The following BTBD8 variants were observed in gnomAD, a reference collection of about 807,000 sequenced individuals.
BTBD8 encodes BTB domain containing 8, also known as BTB/POZ domain-containing protein 8.
Under a neutral mutation model 162.9 loss-of-function variants are expected in BTBD8, and 110 were observed. That is an observed-to-expected ratio of 0.68 (90% CI 0.58 to 0.79). BTBD8 has a LOEUF of 0.79. BTBD8 is among the 30% of genes least tolerant of loss of function. The probability of loss-of-function intolerance (pLI) is 0.00; values close to 1 mark genes in which losing one functional copy is unlikely to be tolerated. For synonymous variants in BTBD8, 667 were observed against 716.1 expected, an observed-to-expected ratio of 0.93 and a Z score of 1.10; for missense variants, 1,905 against 2,085.4, an observed-to-expected ratio of 0.91 and a Z score of 1.68.
At chr1:92,126,510 TCA>T in intron 4 of BTBD8, 1 of 307,150 alleles carries the variant, frequency 3.3e-6, no homozygotes, top group Non-Finnish European at 6.0e-6. Flanking sequence ...TCAATCCTCT[TCA>T]CTCATGCAGA....
intron 16 of BTBD8, among the ~76,000 whole-genome samples, chr1:92,179,411 A>G (rs1032242631): frequency 9.2e-5 from 14 of 152,226 alleles, no homozygotes; most frequent in African/African-American, 3.4e-4. Flanking sequence ...TAAAATAATA[A>G]CCAATTTTCA....
In BTBD8 at chr1:92,177,945, A is replaced by G. The variant is rs1375226699; in HGVS notation, c.2441+47A>G. On this transcript the variant is annotated intron_variant, in intron 15 of 17. Transcript: ENST00000636805. ...TAACCTATCTGTTAGCTTTCTCTCA[A>G]AGTTAATTATATACTAACTGCTAGC... 4 of 926,752 alleles carry G rather than the reference A, an allele frequency of 4.3e-6. No individual in the cohort carries two copies. In the Admixed American group the frequency reaches 1.1e-4, roughly 25 times the overall value. The allele number at this position is 926,752 out of a possible 1,614,324, so 57.4% of individuals were successfully genotyped here.
chr1:92,117,786 C>T (rs763621585), intron 4 of BTBD8, among the ~76,000 whole-genome samples: 1 of 152,012 alleles, frequency 6.6e-6, no homozygotes, highest in Non-Finnish European at 1.5e-5. Flanking sequence ...GCTCGTTTGT[C>T]CTTCCTGTGC....
At chr1:92,170,688 C>A (rs1407391486) in intron 12 of BTBD8, among the ~76,000 whole-genome samples, 1 of 151,970 alleles carries the variant, frequency 6.6e-6, no homozygotes, top group Non-Finnish European at 1.5e-5. Context: ...TCCCAGTAAC[C>A]TTCAAAAGAA....
intron 7 of BTBD8, among the ~76,000 whole-genome samples, chr1:92,146,014 TAATTA>T (rs1405859421): frequency 6.6e-6 from 1 of 152,112 alleles, no homozygotes; most frequent in African/African-American, 2.4e-5. Flanking sequence ...AATTATGATC[TAATTA>T]AATTCTTCTT....
chr1:92,155,371 T>G (rs571270387), intron 9 of BTBD8, among the ~76,000 whole-genome samples: 30 of 152,302 alleles, frequency 2.0e-4, no homozygotes, highest in African/African-American at 6.5e-4. Flanking sequence ...CAACATTAAG[T>G]CTTCCAATCC....
chr1:92,153,213 T>C (rs1407971829), intron 9 of BTBD8, among the ~76,000 whole-genome samples: 2 of 152,210 alleles, frequency 1.3e-5, no homozygotes, highest in Non-Finnish European at 2.9e-5. Flanking sequence ...AAAAATTTCT[T>C]GTGTGTTTGC....
chr1:92,182,740 TAA>T, intron 17 of BTBD8, 145 bp downstream of exon 17: 1 of 499,878 alleles, frequency 2.0e-6, no homozygotes, highest in East Asian at 3.4e-5. Flanking sequence ...AAAAATGTCT[TAA>T]TATGAAAATT....
intron 2 of BTBD8, among the ~76,000 whole-genome samples, chr1:92,094,630 A>G (rs1648399832): frequency 2.0e-5 from 3 of 152,208 alleles, no homozygotes; most frequent in East Asian, 1.9e-4. Flanking sequence ...GTTGTTTTAT[A>G]TGCAGTGACT....
At chr1:92,177,739 A>G in intron 14 of BTBD8, 72 bp from the exon 15 acceptor site, 1 of 967,490 alleles carries the variant, frequency 1.0e-6, no homozygotes, top group African/African-American at 1.6e-5. Context: ...ATAGTGTCTA[A>G]CCAGTAAACT....
At chr1:92,138,228 G>T (rs1649678689) in intron 5 of BTBD8, among the ~76,000 whole-genome samples, 1 of 152,134 alleles carries the variant, frequency 6.6e-6, no homozygotes, top group Non-Finnish European at 1.5e-5. Context: ...TGATTTAGTT[G>T]GGTATGAAAA....
At chr1:92,117,197 T>C (rs2101915887) in intron 4 of BTBD8, among the ~76,000 whole-genome samples, 1 of 152,012 alleles carries the variant, frequency 6.6e-6, no homozygotes, top group African/African-American at 2.4e-5. Flanking sequence ...CATTTCTGGG[T>C]CTGATAATAT....
intron 4 of BTBD8, among the ~76,000 whole-genome samples, chr1:92,117,696 T>G (rs1214359233): frequency 1.3e-5 from 2 of 152,048 alleles, no homozygotes; most frequent in East Asian, 3.8e-4. Context: ...TCTATATTAC[T>G]GCACCTCACA....
At chr1:92,113,072 C>A (rs1309261599) in intron 4 of BTBD8, among the ~76,000 whole-genome samples, 1 of 152,160 alleles carries the variant, frequency 6.6e-6, no homozygotes, top group Non-Finnish European at 1.5e-5. Flanking sequence ...CCAGAAGCAG[C>A]ATTAACAGTT....
chr1:92,129,646 T>C (rs368289360), intron 4 of BTBD8, 41 bp from the exon 5 acceptor site: 102 of 1,407,704 alleles, frequency 7.2e-5, no homozygotes, highest in Middle Eastern at 1.8e-4. Flanking sequence ...TTGAATAATA[T>C]GTAAATGTTT....
intron 9 of BTBD8, among the ~76,000 whole-genome samples, chr1:92,157,119 A>G (rs1220466494): frequency 1.3e-5 from 2 of 151,380 alleles, no homozygotes; most frequent in African/African-American, 2.4e-5. Context: ...GGTATATTGT[A>G]TTGTTGTTTT....
At chr1:92,086,740 T>C (rs1648172136) in intron 1 of BTBD8, among the ~76,000 whole-genome samples, 1 of 152,166 alleles carries the variant, frequency 6.6e-6, no homozygotes, top group Non-Finnish European at 1.5e-5. Context: ...GTGGTAGTGT[T>C]ATAAAAGGAT....
chr1:92,112,391 A>T (rs564987456), intron 4 of BTBD8, among the ~76,000 whole-genome samples: 1 of 152,314 alleles, frequency 6.6e-6, no homozygotes, highest in South Asian at 2.1e-4. Flanking sequence ...GAACAGAACA[A>T]GACCCTGTCT....
rs1346628569 is a variant in BTBD8, at chr1:92,147,697, C to T, written c.1033C>T (p.His345Tyr). The T allele has an allele frequency of 1.2e-6, 2 of 1,608,202 alleles. No individual in the cohort carries two copies. The highest frequency in any genetic ancestry group is 1.1e-5 in the South Asian group (1 of 89,122). Residue 345 changes from histidine to tyrosine, a missense_variant, in exon 9 of 18, where the codon CAT becomes TAT. Physicochemically the swap from His to Tyr is moderately conservative, Grantham distance 83 (BLOSUM62 2). Around this residue, in one of 3 missense-constraint regions of BTBD8, gnomAD observed 1,374 missense variants for 1,442.7 expected, o/e 0.95. Coordinates refer to ENST00000636805, the MANE Select transcript of BTBD8 (RefSeq NM_001376131.1). ...TTATTTTAACAGGTGGATTGTAAAG[C>T]ATTTTGCAAGGTTTTGGTCTGAGAG... ...FADCMKWIVK[H>Y]FARFWSERSF...
Sources: allele counts gnomAD v4.1 joint callset (sites outside exome capture counted in the v4.1 genomes callset), GRCh38; gene constraint gnomAD v4.1.1; regional missense constraint gnomAD v4.1.1; transcripts MANE v1.5; gene names NCBI Gene and HGNC (gene_info 2026-07-23, HGNC 2026-07-21).